TULP4: variants seen among roughly 807,000 people sequenced by gnomAD.
The protein encoded by TULP4 is TUB like protein 4.
Under a neutral mutation model 129.0 loss-of-function variants are expected in TULP4, and 16 were observed. That is an observed-to-expected ratio of 0.12 (90% CI 0.08 to 0.19). The LOEUF (loss-of-function observed/expected upper bound fraction) is 0.19, where lower values mean the gene tolerates loss of function less well. Ranked by LOEUF, TULP4 falls within the 10% of genes least tolerant of loss-of-function variation. The pLI, the probability that TULP4 is intolerant of heterozygous loss-of-function variation, is 1.00. For synonymous variants in TULP4, 998 were observed against 854.0 expected (o/e 1.17, Z -2.94); for missense variants, 1,842 against 2,059.1 (o/e 0.89, Z 2.04).
At chr6:158,456,671 A>C (rs968296934) in intron 5 of TULP4, among the ~76,000 whole-genome samples, 2 of 152,040 alleles carry the variant, frequency 1.3e-5, no homozygotes, top group African/African-American at 4.8e-5. Flanking sequence ...ATCTCTACTA[A>C]AAAACAACAA....
chr6:158,392,794 C>CTTTTTTTTTTTTTTTTTTTTTTTTTTTTT lies in TULP4; in HGVS notation c.253-20246_253-20245insTTTTTTTTTTTTTTTTTTTTTTTTTTTTT, dbSNP rs773565295. Among the ~76,000 whole-genome samples the CTTTTTTTTTTTTTTTTTTTTTTTTTTTTT allele has an allele frequency of 1.1e-4, 6 of 54,648 alleles. 3 individuals are homozygous for CTTTTTTTTTTTTTTTTTTTTTTTTTTTTT. Among genetic ancestry groups the CTTTTTTTTTTTTTTTTTTTTTTTTTTTTT allele is most frequent in the Non-Finnish European group, 1.8e-4 (6 of 33,182 alleles). 35.9% of individuals were successfully genotyped at this position (54,648 alleles called of 152,430 possible). On this transcript the variant is annotated intron_variant, in intron 1 of 13. Coordinates refer to ENST00000367097, the MANE Select transcript of TULP4 (RefSeq NM_020245.5). ...GTACCTATTGTTTAAATTTGTATTT[C>CTTTTTTTTTTTTTTTTTTTTTTTTTTTTT]TTTTTTTTTTTTTTTTTTTTTTTTT...
intron 2 of TULP4, among the ~76,000 whole-genome samples, chr6:158,415,516 AT>A (rs1318537013): frequency 6.9e-6 from 1 of 144,866 alleles, no homozygotes; most frequent in Non-Finnish European, 1.5e-5. Flanking sequence ...CGCCCGGCTA[AT>A]TTTTTTTTGT....
chr6:158,399,499 G>A (rs1197740950), intron 1 of TULP4, among the ~76,000 whole-genome samples: 11 of 152,204 alleles, frequency 7.2e-5, no homozygotes, highest in Admixed American at 7.2e-4. Flanking sequence ...AAGCTCGCAG[G>A]TGCTGCTGCT....
chr6:158,255,966 G>A (rs565089657), intron 1 of TULP4, among the ~76,000 whole-genome samples: 3 of 152,236 alleles, frequency 2.0e-5, no homozygotes, highest in African/African-American at 2.4e-5. Flanking sequence ...GCTGGGCCTC[G>A]TGTGCCACAT....
Position 158,510,754 on chromosome 6 carries a change from T to G in TULP4, c.*4060T>G, listed in dbSNP as rs918697804. On this transcript the variant is annotated 3_prime_UTR_variant, in exon 14 of 14. Coordinates refer to ENST00000367097, the MANE Select transcript of TULP4 (RefSeq NM_020245.5). ...AGCTGGATGTCCATGAGAACAGCCA[T>G]GAAATAAGTCACTACTTGTCCCCAA... 3.9e-5 allele frequency: 6 copies of G among 152,196 alleles called. No homozygotes were observed. Among genetic ancestry groups the G allele is most frequent in the African/African-American group, 1.2e-4 (5 of 41,384 alleles). The allele number at this position is 152,196 out of a possible 1,614,324, so 9.4% of individuals were successfully genotyped here.
chr6:158,248,574 T>C (rs1433532595), intron 1 of TULP4, among the ~76,000 whole-genome samples: 2 of 152,008 alleles, frequency 1.3e-5, no homozygotes, highest in Non-Finnish European at 2.9e-5. Flanking sequence ...CGGCGTCTGT[T>C]CTTTACAGAT....
In TULP4 at chr6:158,238,300, C is replaced by T. The variant is rs7741588; in HGVS notation, n.68+5997C>T. ...GCTGCTTTTCACGCAGAGCTGGGCA[C>T]CTTGGGTTAACATAGGTGAGAGATG... On this transcript the variant is annotated intron_variant and non_coding_transcript_variant, in intron 1 of 1. Coordinates refer to the TULP4 transcript ENST00000620026. 4 of 1,041,228 alleles carry T rather than the reference C, an allele frequency of 3.8e-6. No individual in the cohort carries two copies. The African/African-American group carries it at 5.0e-5, about 13-fold the overall frequency. 64.5% of individuals were successfully genotyped at this position (1,041,228 alleles called of 1,614,324 possible).
At chr6:158,353,814 CA>C (rs1158413666) in intron 1 of TULP4, among the ~76,000 whole-genome samples, 1 of 152,180 alleles carries the variant, frequency 6.6e-6, no homozygotes, top group African/African-American at 2.4e-5. Context: ...GAGATTAAAA[CA>C]AAGTGAATTC....
rs1780729869 is a variant in TULP4 at position 158,511,089 on chromosome 6, GCTTA to G, written c.*4399_*4402del. 6.6e-6 allele frequency: 1 copy of G among 152,558 alleles called. No homozygotes were observed. Among genetic ancestry groups the G allele is most frequent in the South Asian group, 2.1e-4 (1 of 4,828 alleles). 9.5% of individuals were successfully genotyped at this position (152,558 alleles called of 1,614,324 possible). On this transcript the variant is annotated 3_prime_UTR_variant, in exon 14 of 14. Coordinates refer to ENST00000367097, the MANE Select transcript of TULP4 (RefSeq NM_020245.5). ...GCTGATAAAACTCTAATGGGTTGTGGCTTACTTTGTTTCCATTTTCTTTGGCTTT... is the reference window on the plus strand; with the variant it reads ...GCTGATAAAACTCTAATGGGTTGTGGCTTTGTTTCCATTTTCTTTGGCTTT...
chr6:158,443,657 G>T (rs372275215), intron 3 of TULP4, among the ~76,000 whole-genome samples: 2 of 151,988 alleles, frequency 1.3e-5, no homozygotes, highest in African/African-American at 4.8e-5. Context: ...GTTTACAAGT[G>T]GTCTTTTCTT....
chr6:158,264,534 G>A (rs1778414947), intron 1 of TULP4, among the ~76,000 whole-genome samples: 1 of 152,060 alleles, frequency 6.6e-6, no homozygotes, highest in Admixed American at 6.6e-5. Context: ...TGGAGTTGGG[G>A]GAAGGCTTGG....
At chr6:158,250,024 T>A (rs1259893155) in intron 1 of TULP4, among the ~76,000 whole-genome samples, 1 of 152,054 alleles carries the variant, frequency 6.6e-6, no homozygotes, top group Non-Finnish European at 1.5e-5. Context: ...CAGGCTGGAG[T>A]ACAGTGGCAC....
rs1282796299 is a variant in TULP4 at position 158,507,866 on chromosome 6, C to T, written c.*1172C>T. 1 of 152,082 alleles carries T rather than the reference C, an allele frequency of 6.6e-6. No homozygotes were observed. The highest frequency in any genetic ancestry group is 1.5e-5 in the Non-Finnish European group (1 of 68,008). The allele number at this position is 152,082 out of a possible 1,614,324, so 9.4% of individuals were successfully genotyped here. On this transcript the variant is annotated 3_prime_UTR_variant, in exon 14 of 14. Transcript: ENST00000367097. ...AACCAAAAAAATGTTAAGTGTTCAC[C>T]AGGGTATTAAAATACAGAGGAGTAT...
At chr6:158,242,761 C>G (rs371831366) in intron 1 of TULP4, 2 of 424,486 alleles carry the variant, frequency 4.7e-6, no homozygotes, top group Admixed American at 3.4e-5. Flanking sequence ...CTGTTCTGGC[C>G]GTACCGGTTC....
upstream of TULP4, among the ~76,000 whole-genome samples, chr6:158,309,673 G>A (rs1421872325): frequency 6.6e-6 from 1 of 152,252 alleles, no homozygotes; most frequent in South Asian, 2.1e-4. Context: ...CGGATCACTC[G>A]CGGTTAGGAG....
In TULP4 at chr6:158,452,171, C is replaced by G. The variant is rs775784871; in HGVS notation, c.762C>G (p.Ile254Met). ...CATATCCCATCCCAGTGCAGAACAT[C>G]AAGCCTCTGCTCACCGTCAGCTTCA... ...PAAYPIPVQN[I>M]KPLLTVSFTS... The change falls in exon 5 of 14, where the codon ATC becomes ATG. Residue 254 changes from isoleucine to methionine, a missense_variant. Around this residue, in one of 5 missense-constraint regions of TULP4, gnomAD observed 456 missense variants for 534.3 expected, o/e 0.85. Transcript: ENST00000367097. 2 of 1,614,106 alleles carry G rather than the reference C, an allele frequency of 1.2e-6. No homozygotes were observed. Among genetic ancestry groups the G allele is most frequent in the African/African-American group, 1.3e-5 (1 of 74,930 alleles).
chr6:158,237,262 G>A, intron 1 of TULP4: 1 of 1,043,648 alleles, frequency 9.6e-7, no homozygotes, highest in African/African-American at 1.6e-5. Flanking sequence ...TGTGCTTCTT[G>A]CTGTATTACC....
intron 1 of TULP4, among the ~76,000 whole-genome samples, chr6:158,390,070 C>CA (rs759986693): frequency 0.011 from 904 of 79,390 alleles, 1 homozygote; most frequent in Non-Finnish European, 0.014. Flanking sequence ...GACTCCGTCT[C>CA]AAAAAAAAAA....
At chr6:158,425,398 A>G (rs1479841092) in intron 2 of TULP4, among the ~76,000 whole-genome samples, 2 of 150,524 alleles carry the variant, frequency 1.3e-5, no homozygotes, top group African/African-American at 4.9e-5. Context: ...CTGTAATCCC[A>G]GCTACTCGGG....
Sources: gnomAD v4.1 joint callset for allele counts (sites outside exome capture counted in the v4.1 genomes callset) on GRCh38, gnomAD v4.1.1 for gene constraint, gnomAD v4.1.1 regional missense constraint, MANE v1.5 for transcripts, NCBI Gene and HGNC (gene_info 2026-07-23, HGNC 2026-07-21) for gene names.